Variants in KCNQ1OT1 observed in about 807,000 individuals in gnomAD.
The protein encoded by KCNQ1OT1 is KCNQ1 opposite strand/antisense transcript 1, also known as KCNQ1 antisense RNA 2 (non-protein coding).
chr11:2,630,175 T>C (rs945239473), exon 1 of KCNQ1OT1: 1 of 398,372 alleles, frequency 2.5e-6, no homozygotes, highest in East Asian at 3.6e-5. Flanking sequence ...ATCAAAATGA[T>C]TGTATGATTT....
rs1037899444 is a variant in KCNQ1OT1 at position 2,652,222 on chromosome 11, G to A, written n.47773C>T. On this transcript the variant is annotated non_coding_transcript_exon_variant, in exon 1 of 1. Coordinates refer to ENST00000597346, the Ensembl canonical transcript of KCNQ1OT1. This position sits in a 1 kb window ranked among gnomAD's most constrained non-coding sequence, Gnocchi z 5.9. The stretch of plus-strand genomic sequence containing the variant: ...TAGCCAGGGCCTGGAGCCGGATGCT[G>A]AGAATGAGGCCTGCAACTCATTTCC... 2.5e-6 allele frequency: 1 copy of A among 398,542 alleles called. No homozygotes were observed. The highest frequency in any genetic ancestry group is 2.1e-5 in the African/African-American group (1 of 48,652). The allele number at this position is 398,542 out of a possible 1,614,324, so 24.7% of individuals were successfully genotyped here. A position where few individuals can be genotyped will look rare whatever the true frequency, so the allele number is the denominator to read the frequency against.
At position 2,691,232 on chromosome 11, in the gene KCNQ1OT1, C is replaced by A. The variant is rs748549815; in HGVS notation, n.8763G>T. The A allele has an allele frequency of 8.8e-5, 35 of 398,486 alleles. No homozygotes were observed. Among genetic ancestry groups the A allele is most frequent in the Non-Finnish European group, 1.0e-4 (23 of 226,100 alleles). The allele number at this position is 398,486 out of a possible 1,614,324, so 24.7% of individuals were successfully genotyped here. ...GCAAGTGGAGGAGTTAGAGGATCTG[C>A]AGTTAACCCCTTGAGTCTCGGAAGG... On this transcript the variant is annotated non_coding_transcript_exon_variant, in exon 1 of 1. Transcript: ENST00000597346. This position sits in a 1 kb window ranked among gnomAD's most constrained non-coding sequence, Gnocchi z 6.4.
chr11:2,677,841 C>T lies in KCNQ1OT1; in HGVS notation n.22154G>A, dbSNP rs1258424606. 3 of 398,378 alleles carry T rather than the reference C, an allele frequency of 7.5e-6. No homozygotes were observed. The highest frequency in any genetic ancestry group is 1.3e-5 in the Non-Finnish European group (3 of 226,048). The allele number at this position is 398,378 out of a possible 1,614,324, so 24.7% of individuals were successfully genotyped here. On this transcript the variant is annotated non_coding_transcript_exon_variant, in exon 1 of 1. Coordinates refer to ENST00000597346, the Ensembl canonical transcript of KCNQ1OT1. This position sits in a 1 kb window ranked among gnomAD's most constrained non-coding sequence, Gnocchi z 4.5. ...TGTGATAGATACTGCCAAATAAGGG[C>T]TGTACCATTTACATCACTTTGACTG...
At position 2,668,099 on chromosome 11, in the gene KCNQ1OT1, T is replaced by A; in HGVS notation, n.31896A>T. On this transcript the variant is annotated non_coding_transcript_exon_variant, in exon 1 of 1. Coordinates refer to ENST00000597346, the Ensembl canonical transcript of KCNQ1OT1. The surrounding 1 kb of genome is among the most constrained non-coding windows in gnomAD (Gnocchi z 4.3). ...AACTCATACACCTTTGTGTCCAATG[T>A]CCCTCACTCAATTTGATGTCTGGCA... The A allele has an allele frequency of 2.5e-6, 1 of 398,614 alleles. No homozygotes were observed. The allele number at this position is 398,614 out of a possible 1,614,324, so 24.7% of individuals were successfully genotyped here.
chr11:2,688,588 AC>A (rs1850533238), exon 1 of KCNQ1OT1: 4 of 398,582 alleles, frequency 1.0e-5, no homozygotes. Context: ...GTGCTCGCTC[AC>A]TGAGGCCAGG....
chr11:2,643,936 C>G (rs958527496), exon 1 of KCNQ1OT1: 1 of 398,444 alleles, frequency 2.5e-6, no homozygotes, highest in Admixed American at 4.4e-5. Context: ...ATCCCATCCT[C>G]CTGGCCTGTA....
exon 1 of KCNQ1OT1, chr11:2,646,213 G>A (rs1849663209): frequency 2.5e-6 from 1 of 398,488 alleles, no homozygotes; most frequent in African/African-American, 2.1e-5. Flanking sequence ...GAGGAGGTGA[G>A]TGCCAGATGC....
chr11:2,690,278 T>C lies in KCNQ1OT1; in HGVS notation n.9717A>G, dbSNP rs182802601. 208 of 398,726 alleles carry C rather than the reference T, an allele frequency of 5.2e-4. 1 individual carries two copies. The highest frequency in any genetic ancestry group is 6.4e-4 in the Non-Finnish European group (144 of 226,114). 24.7% of individuals were successfully genotyped at this position (398,726 alleles called of 1,614,324 possible). On this transcript the variant is annotated non_coding_transcript_exon_variant, in exon 1 of 1. Coordinates refer to ENST00000597346, the Ensembl canonical transcript of KCNQ1OT1. This position sits in a 1 kb window ranked among gnomAD's most constrained non-coding sequence, Gnocchi z 5.1. Reference sequence around the variant, plus strand: ...CTGCTCCTTGCTGCATCTGCACATATGTGTAGTGTCTTCCTCCCTGTAGGA... The same window carrying C: ...CTGCTCCTTGCTGCATCTGCACATACGTGTAGTGTCTTCCTCCCTGTAGGA...
chr11:2,619,167 T>A lies in KCNQ1OT1; in HGVS notation n.80828A>T, dbSNP rs534615494. ...ACTTCCTGATTTGAATGTCTTTCAT[T>A]TCTTTTTCTTGTCTGTTTGGTTGTA... On this transcript the variant is annotated non_coding_transcript_exon_variant, in exon 1 of 1. Coordinates refer to ENST00000597346, the Ensembl canonical transcript of KCNQ1OT1. The A allele has an allele frequency of 1.8e-5, 7 of 398,528 alleles. No homozygotes were observed. The Admixed American group carries it at 2.6e-4, about 15-fold the overall frequency. The allele number at this position is 398,528 out of a possible 1,614,324, so 24.7% of individuals were successfully genotyped here.
At chr11:2,697,401 T>C (rs1850695781) in exon 1 of KCNQ1OT1, 2 of 398,596 alleles carry the variant, frequency 5.0e-6, no homozygotes, top group Admixed American at 4.4e-5. Flanking sequence ...TGTATTAGGG[T>C]ATGGCCAGGA....
In KCNQ1OT1 at chr11:2,645,330, G is replaced by A. The variant is rs998423976; in HGVS notation, n.54665C>T. 18 of 398,632 alleles carry A rather than the reference G, an allele frequency of 4.5e-5. No individual in the cohort carries two copies. Among genetic ancestry groups the A allele is most frequent in the African/African-American group, 3.3e-4 (16 of 48,624 alleles). The allele number at this position is 398,632 out of a possible 1,614,324, so 24.7% of individuals were successfully genotyped here. ...TGCCAACAATACTGGATAGGGCAGG[G>A]TGATCCCTAGGCCCAGAGATGGTAT... On this transcript the variant is annotated non_coding_transcript_exon_variant, in exon 1 of 1. Transcript: ENST00000597346. The surrounding 1 kb of genome is among the most constrained non-coding windows in gnomAD (Gnocchi z 5.8).
chr11:2,618,929 T>C, exon 1 of KCNQ1OT1: 1 of 398,376 alleles, frequency 2.5e-6, no homozygotes, highest in African/African-American at 2.1e-5. Flanking sequence ...GCAATTTTTT[T>C]GATGCTATCA....
rs1376836895 is a variant in KCNQ1OT1 at position 2,617,127 on chromosome 11, T to C, written n.82868A>G. 10 of 398,210 alleles carry C rather than the reference T, an allele frequency of 2.5e-5. No homozygotes were observed. Among genetic ancestry groups the C allele is most frequent in the Non-Finnish European group, 4.4e-5 (10 of 225,912 alleles). The allele number at this position is 398,210 out of a possible 1,614,324, so 24.7% of individuals were successfully genotyped here. A position where few individuals can be genotyped will look rare whatever the true frequency, so the allele number is the denominator to read the frequency against. On this transcript the variant is annotated non_coding_transcript_exon_variant, in exon 1 of 1. Transcript: ENST00000597346. This position sits in a 1 kb window ranked among gnomAD's most constrained non-coding sequence, Gnocchi z 4.6. ...CTACTCAATTGGCAAAAATTCCAAATGCAATATACTAACTATTCTCATGTT... is the reference window on the plus strand; with the variant it reads ...CTACTCAATTGGCAAAAATTCCAAACGCAATATACTAACTATTCTCATGTT...
In KCNQ1OT1 at chr11:2,683,357, C is replaced by T. The variant is rs1280684842; in HGVS notation, n.16638G>A. The T allele has an allele frequency of 1.8e-5, 7 of 398,508 alleles. No individual in the cohort carries two copies. Among genetic ancestry groups the T allele is most frequent in the Non-Finnish European group, 2.2e-5 (5 of 226,066 alleles). The allele number at this position is 398,508 out of a possible 1,614,324, so 24.7% of individuals were successfully genotyped here. ...CAACACTAGGCCACTGTGCCTGCCACTGCTGTCTGCAAATGCAGGTTCCTG... is the reference window on the plus strand; with the variant it reads ...CAACACTAGGCCACTGTGCCTGCCATTGCTGTCTGCAAATGCAGGTTCCTG... On this transcript the variant is annotated non_coding_transcript_exon_variant, in exon 1 of 1. Coordinates refer to ENST00000597346, the Ensembl canonical transcript of KCNQ1OT1. This position sits in a 1 kb window ranked among gnomAD's most constrained non-coding sequence, Gnocchi z 4.7.
In KCNQ1OT1 at chr11:2,674,517, T is replaced by C. The variant is rs1191406533; in HGVS notation, n.25478A>G. 5.0e-6 allele frequency: 2 copies of C among 398,500 alleles called. No homozygotes were observed. Among genetic ancestry groups the C allele is most frequent in the Non-Finnish European group, 8.8e-6 (2 of 226,066 alleles). 24.7% of individuals were successfully genotyped at this position (398,500 alleles called of 1,614,324 possible). On this transcript the variant is annotated non_coding_transcript_exon_variant, in exon 1 of 1. Transcript: ENST00000597346. This position sits in a 1 kb window ranked among gnomAD's most constrained non-coding sequence, Gnocchi z 5.9. ...AGTGTTACTAGGCACTAGATGGCAC[T>C]TGCAAAGCCCATTCGGAGGATTTAG...
chr11:2,683,782 C>G lies in KCNQ1OT1; in HGVS notation n.16213G>C. The G allele has an allele frequency of 2.5e-6, 1 of 398,598 alleles. No homozygotes were observed. The highest frequency in any genetic ancestry group is 3.6e-5 in the East Asian group (1 of 28,072). The allele number at this position is 398,598 out of a possible 1,614,324, so 24.7% of individuals were successfully genotyped here. A position where few individuals can be genotyped will look rare whatever the true frequency, so the allele number is the denominator to read the frequency against. On this transcript the variant is annotated non_coding_transcript_exon_variant, in exon 1 of 1. Coordinates refer to ENST00000597346, the Ensembl canonical transcript of KCNQ1OT1. The surrounding 1 kb of genome is among the most constrained non-coding windows in gnomAD (Gnocchi z 4.7). Reference sequence around the variant, plus strand: ...ACATGGGCCTCTAAGGCTGGCTGCTCTTACTCTATACCCCAAAATCCCAGC... The same window carrying G: ...ACATGGGCCTCTAAGGCTGGCTGCTGTTACTCTATACCCCAAAATCCCAGC...
exon 1 of KCNQ1OT1, chr11:2,644,051 C>A: frequency 2.5e-6 from 1 of 398,504 alleles, no homozygotes; most frequent in Non-Finnish European, 4.4e-6. Flanking sequence ...TTGGGATGGG[C>A]AATTTGCTAT....
chr11:2,650,536 GC>G (rs1372975929), exon 1 of KCNQ1OT1: 1 of 398,550 alleles, frequency 2.5e-6, no homozygotes, highest in African/African-American at 2.1e-5. Context: ...AGTGGTATCT[GC>G]AAGTTCATCA....
At chr11:2,618,542 C>G (rs183745326) in exon 1 of KCNQ1OT1, 1 of 398,524 alleles carries the variant, frequency 2.5e-6, no homozygotes, top group Non-Finnish European at 4.4e-6. Context: ...GCTCTCTATT[C>G]TGTTCCACTG....
Sources: gnomAD v4.1 joint callset for allele counts on GRCh38, gnomAD v4.1.1 for gene constraint, Gnocchi (gnomAD v3.1) non-coding constraint, MANE v1.5 for transcripts, NCBI Gene and HGNC (gene_info 2026-07-23, HGNC 2026-07-21) for gene names.